Variants in PALM2AKAP2 observed in about 807,000 individuals in gnomAD.
The protein encoded by PALM2AKAP2 is PALM2 and AKAP2 fusion.
PALM2AKAP2 carries 37 observed loss-of-function variants against 71.5 expected under a neutral mutation model. The ratio of observed to expected loss-of-function variants is 0.52; its 90% CI spans 0.40 to 0.68. PALM2AKAP2 has a LOEUF of 0.68. Among genes scored for constraint, PALM2AKAP2 ranks in the 30% least tolerant of loss-of-function variants. The pLI is 0.00. For synonymous variants in PALM2AKAP2, 468 were observed against 478.8 expected (o/e 0.98, Z 0.29); for missense variants, 1,224 against 1,191.8 (o/e 1.03, Z -0.40).
chr9:110,155,607 T>G (rs1440557751), intron 2 of PALM2AKAP2, among the ~76,000 whole-genome samples: 1 of 152,220 alleles, frequency 6.6e-6, no homozygotes, highest in Admixed American at 6.5e-5. Flanking sequence ...AAGGCTGGTG[T>G]GCACCTTTTC....
At chr9:109,781,484 C>G (rs57447749) in intron 1 of PALM2AKAP2, among the ~76,000 whole-genome samples, 4,589 of 152,312 alleles carry the variant, frequency 0.03, 83 homozygotes, top group Non-Finnish European at 0.035. Flanking sequence ...TTTTTCAGTT[C>G]GGAAGTTCTC....
At chr9:110,063,616 G>C (rs1274744887) in intron 1 of PALM2AKAP2, among the ~76,000 whole-genome samples, 3 of 147,566 alleles carry the variant, frequency 2.0e-5, no homozygotes, top group African/African-American at 7.5e-5. Flanking sequence ...ATTTTTTTTT[G>C]TATTTTTAGT....
exon 4 of PALM2AKAP2, chr9:110,168,536 G>A: frequency 1.3e-6 from 2 of 1,597,388 alleles, no homozygotes; most frequent in Non-Finnish European, 1.7e-6. Flanking sequence ...GTGCTTGGGA[G>A]ACCAAGAAAC....
intron 1 of PALM2AKAP2, among the ~76,000 whole-genome samples, chr9:109,741,096 T>G (rs1828710158): frequency 6.6e-6 from 1 of 152,218 alleles, no homozygotes; most frequent in African/African-American, 2.4e-5. Context: ...CATAGAGGAT[T>G]TTCATCACCT....
At chr9:109,763,797 G>A (rs62578100) in intron 1 of PALM2AKAP2, among the ~76,000 whole-genome samples, 4,716 of 152,206 alleles carry the variant, frequency 0.031, 108 homozygotes, top group Non-Finnish European at 0.046. Flanking sequence ...GTAGGTGGAG[G>A]TCCTTGGCTC....
At chr9:109,687,037 A>G (rs1055266998) in intron 1 of PALM2AKAP2, among the ~76,000 whole-genome samples, 5 of 152,236 alleles carry the variant, frequency 3.3e-5, no homozygotes, top group African/African-American at 4.8e-5. Flanking sequence ...ATAGTATTCC[A>G]TGGTGTATAT....
At chr9:109,880,831 T>G in intron 3 of PALM2AKAP2, 150 bp downstream of exon 3, 1 of 1,204,154 alleles carries the variant, frequency 8.3e-7, no homozygotes, top group Non-Finnish European at 1.1e-6. Flanking sequence ...TTGTTTAAAC[T>G]TTTCCAGATG....
intron 2 of PALM2AKAP2, among the ~76,000 whole-genome samples, chr9:110,156,037 C>T (rs1167888644): frequency 6.6e-6 from 1 of 152,208 alleles, no homozygotes; most frequent in Non-Finnish European, 1.5e-5. Context: ...ACAACTGGAG[C>T]CACTGTCGGT....
chr9:109,795,463 AACTT>A (rs1674393316), intron 1 of PALM2AKAP2, among the ~76,000 whole-genome samples: 1 of 152,220 alleles, frequency 6.6e-6, no homozygotes, highest in Non-Finnish European at 1.5e-5. Context: ...TGTACCCTAA[AACTT>A]AAAGTATAAT....
At chr9:109,925,028 G>C in intron 4 of PALM2AKAP2, 33 bp from the exon 5 acceptor site, 2 of 1,614,102 alleles carry the variant, frequency 1.2e-6, no homozygotes, top group Non-Finnish European at 1.7e-6. Context: ...CCCACATGTA[G>C]AGTAACGCTC....
At chr9:109,656,775 C>G (rs1009610091) in intron 1 of PALM2AKAP2, among the ~76,000 whole-genome samples, 4 of 152,062 alleles carry the variant, frequency 2.6e-5, no homozygotes, top group African/African-American at 9.7e-5. Context: ...GAGAAGTGGT[C>G]GGATTTCACA....
intron 6 of PALM2AKAP2, among the ~76,000 whole-genome samples, chr9:109,962,227 C>T (rs1234966779): frequency 1.3e-5 from 2 of 152,200 alleles, no homozygotes; most frequent in Non-Finnish European, 2.9e-5. Flanking sequence ...GGTTAAATCT[C>T]TTACAAAGTG....
At chr9:110,094,500 C>T (rs753486257) in intron 1 of PALM2AKAP2, among the ~76,000 whole-genome samples, 2 of 152,104 alleles carry the variant, frequency 1.3e-5, no homozygotes, top group African/African-American at 2.4e-5. Context: ...TTCTGGTATC[C>T]GCTCAGCTTC....
At chr9:110,137,986 C>T (rs373207318) in exon 2 of PALM2AKAP2, 18 of 1,613,840 alleles carry the variant, frequency 1.1e-5, no homozygotes, top group African/African-American at 9.3e-5. Flanking sequence ...AAGCCATAGC[C>T]GAGCAGGTGG....
chr9:109,842,389 T>C (rs1828720144), intron 1 of PALM2AKAP2, among the ~76,000 whole-genome samples: 1 of 152,220 alleles, frequency 6.6e-6, no homozygotes, highest in Non-Finnish European at 1.5e-5. Flanking sequence ...GGGAAGGGGT[T>C]GGGAGCTCTA....
rs185990518 is a variant in PALM2AKAP2, at chr9:109,921,584, G to A, written c.258-2151G>A. Among the ~76,000 whole-genome samples the A allele has an allele frequency of 9.2e-5, 14 of 152,324 alleles. 1 individual carries two copies. The South Asian group carries it at 1.2e-3, about 14-fold the overall frequency. ...TGCTAAGAAATGTTCAGAGGGAAGC[G>A]ATGTTATTTCCTGGCAGTGAAATCT... is the stretch of plus-strand genomic sequence containing the variant. On this transcript the variant is annotated intron_variant, in intron 3 of 9. Coordinates refer to the PALM2AKAP2 transcript ENST00000302798.
chr9:109,901,635 C>A (rs1009075655), intron 3 of PALM2AKAP2, among the ~76,000 whole-genome samples: 6 of 152,206 alleles, frequency 3.9e-5, no homozygotes, highest in South Asian at 2.1e-4. Context: ...ATCCCAGAGG[C>A]CACAGAACAC....
intron 3 of PALM2AKAP2, among the ~76,000 whole-genome samples, chr9:109,887,110 G>A (rs1220898413): frequency 6.6e-6 from 1 of 152,186 alleles, no homozygotes; most frequent in Non-Finnish European, 1.5e-5. Flanking sequence ...ATTGTTAGGA[G>A]GCTCAAAGCC....
At chr9:110,141,450 A>C (rs941709955) in intron 2 of PALM2AKAP2, among the ~76,000 whole-genome samples, 1 of 152,258 alleles carries the variant, frequency 6.6e-6, no homozygotes, top group African/African-American at 2.4e-5. Flanking sequence ...CGGGCTTCCC[A>C]GAATTACAAC....
Sources: gnomAD v4.1 joint callset for allele counts (sites outside exome capture counted in the v4.1 genomes callset) on GRCh38, gnomAD v4.1.1 for gene constraint, MANE v1.5 for transcripts, NCBI Gene and HGNC (gene_info 2026-07-23, HGNC 2026-07-21) for gene names.